MBP: variants seen among roughly 807,000 people sequenced by gnomAD.
MBP encodes the protein Golli-MBP.
MBP carries 16 observed loss-of-function variants against 35.8 expected under a neutral mutation model. The ratio of observed to expected loss-of-function variants is 0.45; its 90% CI spans 0.30 to 0.68. The LOEUF (loss-of-function observed/expected upper bound fraction) is 0.68. Among genes scored for constraint, MBP ranks in the 30% least tolerant of loss-of-function variants. The probability of loss-of-function intolerance (pLI) is 0.08; values close to 1 mark genes in which losing one functional copy is unlikely to be tolerated. For synonymous variants in MBP, 143 were observed against 159.6 expected (o/e 0.90, Z 0.78); for missense variants, 380 against 404.7 (o/e 0.94, Z 0.52).
intron 4 of MBP, among the ~76,000 whole-genome samples, chr18:77,011,479 C>T (rs1033183591): frequency 1.3e-5 from 2 of 152,176 alleles, no homozygotes; most frequent in African/African-American, 2.4e-5. Flanking sequence ...GGTGGGCTGG[C>T]GTGAAGCCCC....
intron 3 of MBP, among the ~76,000 whole-genome samples, chr18:77,050,127 C>CT (rs1973429112): frequency 6.6e-6 from 1 of 152,212 alleles, no homozygotes; most frequent in African/African-American, 2.4e-5. Context: ...TACAAGTTTT[C>CT]TTTGAGTAAT....
Position 77,102,967 on chromosome 18 carries a change from G to T in MBP, c.51+2244C>A, listed in dbSNP as rs762171831. Among the ~76,000 whole-genome samples the T allele has an allele frequency of 4.5e-4, 68 of 150,212 alleles. No homozygotes were observed. Among genetic ancestry groups the T allele is most frequent in the Non-Finnish European group, 7.7e-4 (52 of 67,192 alleles). On this transcript the variant is annotated intron_variant, in intron 2 of 8. Transcript: ENST00000355994. This position sits in a 1 kb window ranked among gnomAD's most constrained non-coding sequence, Gnocchi z 4.4. The stretch of plus-strand genomic sequence containing the variant: ...TGACATTATCAGTAATACAGTTTAA[G>T]TATGGGCTGAACAAAATAATGAGTC...
chr18:77,038,708 CAT>C (rs759131580), intron 3 of MBP, among the ~76,000 whole-genome samples: 18 of 152,248 alleles, frequency 1.2e-4, no homozygotes, highest in Middle Eastern at 3.4e-3. Flanking sequence ...TGGACATGTG[CAT>C]ATATATATGT....
chr18:77,063,165 T>G (rs1039635759), intron 3 of MBP, among the ~76,000 whole-genome samples: 2 of 152,184 alleles, frequency 1.3e-5, no homozygotes, highest in African/African-American at 4.8e-5. Flanking sequence ...CATATATGCC[T>G]CCAAGGTTAT....
At position 77,102,932 on chromosome 18, in the gene MBP, A is replaced by G. The variant is rs1442087596; in HGVS notation, c.51+2279T>C. ...AATACATTTATGGTTGTTATTGCTA[A>G]TTATAATGCTGACATTATCAGTAAT... On this transcript the variant is annotated intron_variant, in intron 2 of 8. Transcript: ENST00000355994. This position sits in a 1 kb window ranked among gnomAD's most constrained non-coding sequence, Gnocchi z 4.4. Among the ~76,000 whole-genome samples, 3 of 152,244 alleles carry G rather than the reference A, an allele frequency of 2.0e-5. No individual in the cohort carries two copies. Among genetic ancestry groups the G allele is most frequent in the Non-Finnish European group, 4.4e-5 (3 of 68,048 alleles).
intron 3 of MBP, among the ~76,000 whole-genome samples, chr18:77,063,589 T>G (rs1974073454): frequency 6.6e-6 from 1 of 152,212 alleles, no homozygotes; most frequent in Non-Finnish European, 1.5e-5. Context: ...CGAGCCTTGC[T>G]CCGGTGTCCA....
chr18:77,033,753 T>TCCAC (rs1261975599), intron 3 of MBP, among the ~76,000 whole-genome samples: 2 of 114,896 alleles, frequency 1.7e-5, no homozygotes, highest in East Asian at 5.0e-4. Context: ...TATGCATCAA[T>TCCAC]CCACCCATCC....
intron 2 of MBP, among the ~76,000 whole-genome samples, chr18:77,099,262 G>A (rs1599243200): frequency 2.6e-5 from 4 of 152,318 alleles, no homozygotes; most frequent in South Asian, 2.1e-4. Flanking sequence ...GGCAGGGGGC[G>A]TGGGCACGGC....
rs866097331 is a variant in MBP at position 77,056,769 on chromosome 18, C to T, written c.139+9529G>A. On this transcript the variant is annotated intron_variant, in intron 3 of 8. Transcript: ENST00000355994. Reference sequence around the variant, plus strand: ...TAACTTTTCTTTGACACCACTGAGTCCTCCCAGCAACCTGCAGCTGAGCAC... The same window carrying T: ...TAACTTTTCTTTGACACCACTGAGTTCTCCCAGCAACCTGCAGCTGAGCAC... Among the ~76,000 whole-genome samples the T allele has an allele frequency of 6.5e-4, 99 of 152,176 alleles. 1 individual carries two copies. The highest frequency in any genetic ancestry group is 2.3e-3 in the African/African-American group (97 of 41,428).
chr18:77,045,249 G>A (rs939073783), intron 3 of MBP, among the ~76,000 whole-genome samples: 3 of 152,186 alleles, frequency 2.0e-5, no homozygotes, highest in East Asian at 1.9e-4. Context: ...CAGCCCACCC[G>A]TTAATGCACA....
chr18:77,018,276 TCATC>T (rs775892418), intron 3 of MBP, among the ~76,000 whole-genome samples: 19 of 110,016 alleles, frequency 1.7e-4, no homozygotes, highest in Non-Finnish European at 2.1e-4. Flanking sequence ...ATCTATCCAC[TCATC>T]CATCCATCCA....
chr18:77,008,149 G>C (rs1971107200), intron 4 of MBP, among the ~76,000 whole-genome samples: 1 of 152,134 alleles, frequency 6.6e-6, no homozygotes, highest in Non-Finnish European at 1.5e-5. Context: ...CACACACTGG[G>C]TGCTGTGCCA....
chr18:77,058,599 A>G (rs976457950), intron 3 of MBP, among the ~76,000 whole-genome samples: 1 of 152,204 alleles, frequency 6.6e-6, no homozygotes, highest in African/African-American at 2.4e-5. Context: ...CAGCACTTTA[A>G]GAAACGAAAT....
intron 2 of MBP, among the ~76,000 whole-genome samples, chr18:77,103,657 C>T (rs1207373851): frequency 6.6e-6 from 1 of 152,178 alleles, no homozygotes; most frequent in Non-Finnish European, 1.5e-5. Context: ...TAGGGTGGGT[C>T]CACTGTTCTG....
At chr18:77,001,072 G>GA (rs984152904) in intron 4 of MBP, among the ~76,000 whole-genome samples, 57 of 152,340 alleles carry the variant, frequency 3.7e-4, no homozygotes, top group African/African-American at 1.3e-3. Context: ...GTCAATACGT[G>GA]AAGACCTAGT....
At chr18:77,116,152 G>A (rs559293801) in intron 1 of MBP, among the ~76,000 whole-genome samples, 14 of 150,976 alleles carry the variant, frequency 9.3e-5, no homozygotes, top group Admixed American at 1.3e-4. Flanking sequence ...ATCTTCACAT[G>A]AGTGTGCAGC....
chr18:77,096,594 T>A (rs1338515039), intron 2 of MBP, among the ~76,000 whole-genome samples: 3 of 152,234 alleles, frequency 2.0e-5, no homozygotes, highest in African/African-American at 7.2e-5. Flanking sequence ...CTTAAGCTGA[T>A]TAAATAGAAA....
intron 3 of MBP, among the ~76,000 whole-genome samples, chr18:77,037,210 A>G (rs1972811710): frequency 6.7e-6 from 1 of 149,902 alleles, no homozygotes; most frequent in African/African-American, 2.5e-5. Flanking sequence ...AGAGCTGAGC[A>G]AGTGCTGGTC....
In MBP at chr18:77,131,750, C is replaced by T. The variant is rs992419326; in HGVS notation, c.-26+830G>A. On this transcript the variant is annotated intron_variant, in intron 1 of 8. Coordinates refer to ENST00000355994, the MANE Select transcript of MBP (RefSeq NM_001025101.2). The surrounding 1 kb of genome is among the most constrained non-coding windows in gnomAD (Gnocchi z 5.5). ...GCGGCAAATGACCGCAGGTCACACA[C>T]CCCGGCCTCGGGGGCCACGGAAAAC... 3 of 152,174 alleles carry T rather than the reference C, an allele frequency of 2.0e-5. No individual in the cohort carries two copies. The highest frequency in any genetic ancestry group is 2.9e-5 in the Non-Finnish European group (2 of 68,118). The allele number at this position is 152,174 out of a possible 1,614,324, so 9.4% of individuals were successfully genotyped here.
Sources: gnomAD v4.1 joint callset for allele counts (sites outside exome capture counted in the v4.1 genomes callset) on GRCh38, gnomAD v4.1.1 for gene constraint, Gnocchi (gnomAD v3.1) non-coding constraint, MANE v1.5 for transcripts, NCBI Gene and HGNC (gene_info 2026-07-23, HGNC 2026-07-21) for gene names.